Variants in SRPK1 observed in about 807,000 individuals in gnomAD.
SRPK1 encodes SFRS protein kinase 1.
SRPK1 carries 52 observed loss-of-function variants against 89.5 expected under a neutral mutation model. The ratio of observed to expected loss-of-function variants is 0.58; its 90% CI spans 0.46 to 0.73. SRPK1 has a LOEUF of 0.73. Ranked by LOEUF, SRPK1 falls within the 30% of genes least tolerant of loss-of-function variation. SRPK1 has a pLI of 0.00. For missense variants in SRPK1, 603 were observed against 780.6 expected (o/e 0.77, Z 2.71); for synonymous variants, 255 against 270.2 (o/e 0.94, Z 0.55).
chr6:35,869,058 T>C lies in SRPK1; in HGVS notation c.1464A>G (p.Ala488=). The C allele has an allele frequency of 6.2e-7, 1 of 1,614,118 alleles. No homozygotes were observed. Among genetic ancestry groups the C allele is most frequent in the East Asian group, 2.2e-5 (1 of 44,868 alleles). Residue 488 remains alanine (A), a synonymous_variant, in exon 12 of 16, where the codon GCA becomes GCG. Coordinates refer to ENST00000373825, the MANE Select transcript of SRPK1 (RefSeq NM_003137.5). ...FLVNPLEPKN[A]EKLKVKIADL... ...CAGCAATCTTCACCTTGAGCTTTTC[T>C]GCATTTTTTGGCTCAAGGGGATTAA...
Position 35,870,442 on chromosome 6 carries a change from C to T in SRPK1, c.830G>A (p.Arg277His), listed in dbSNP as rs753875588. ...TCGCTTCTCTAGTAATTCTGCCTGG[C>T]GCTTCTGCTTCTTCTTCAATTTCTT... ...KKKKLKKKQKRQAELLEKRMQ... is the reference protein window; with the variant it reads ...KKKKLKKKQKHQAELLEKRMQ... Residue 277 changes from arginine to histidine, a missense_variant, in exon 10 of 16, where the codon CGC becomes CAC. Arg to His is a conservative substitution (Grantham distance 29, BLOSUM62 0). Coordinates refer to ENST00000373825, the MANE Select transcript of SRPK1 (RefSeq NM_003137.5). The T allele has an allele frequency of 1.7e-5, 27 of 1,557,838 alleles. No individual in the cohort carries two copies. The highest frequency in any genetic ancestry group is 5.4e-5 in the African/African-American group (4 of 73,506).
chr6:35,877,778 G>C (rs1252837342), intron 6 of SRPK1, among the ~76,000 whole-genome samples: 1 of 151,628 alleles, frequency 6.6e-6, no homozygotes, highest in African/African-American at 2.4e-5. Flanking sequence ...AGGAGGCGGA[G>C]GTTGCAGTGA....
At chr6:35,838,455 G>T in intron 14 of SRPK1, 26 bp from the exon 15 acceptor site, 1 of 1,544,366 alleles carries the variant, frequency 6.5e-7, no homozygotes, top group Non-Finnish European at 8.7e-7. Context: ...ATTTCAAGAG[G>T]GGGGAAAAAA....
intron 2 of SRPK1, among the ~76,000 whole-genome samples, chr6:35,911,048 G>A (rs1163501665): frequency 6.6e-6 from 1 of 152,180 alleles, no homozygotes; most frequent in Non-Finnish European, 1.5e-5. Context: ...ATGGATCAAG[G>A]AGTCATTTCA....
Position 35,834,026 on chromosome 6 carries a change from CAA to C in SRPK1, c.*1276_*1277del, listed in dbSNP as rs1310595879. ...GAGGCTCATCCTAAAAAAAAAATTG[CAA>C]AGTCTTTTCTCAATTAAAACAAAAA... On this transcript the variant is annotated 3_prime_UTR_variant, in exon 16 of 16. Transcript: ENST00000373825. 1.0e-4 allele frequency: 16 copies of C among 152,478 alleles called. No individual in the cohort carries two copies. The highest frequency in any genetic ancestry group is 5.2e-4 in the Admixed American group (8 of 15,264). The allele number at this position is 152,478 out of a possible 1,614,324, so 9.4% of individuals were successfully genotyped here. A position where few individuals can be genotyped will look rare whatever the true frequency, so the allele number is the denominator to read the frequency against.
chr6:35,849,889 T>C (rs528935463), intron 13 of SRPK1, among the ~76,000 whole-genome samples: 2 of 152,200 alleles, frequency 1.3e-5, no homozygotes, highest in East Asian at 1.9e-4. Flanking sequence ...AAAAACAAGA[T>C]GGAAATTCAG....
At chr6:35,840,640 T>C (rs375888534) in intron 14 of SRPK1, among the ~76,000 whole-genome samples, 1 of 152,232 alleles carries the variant, frequency 6.6e-6, no homozygotes, top group African/African-American at 2.4e-5. Context: ...ATTGATATAC[T>C]TGACAGATAA....
intron 13 of SRPK1, among the ~76,000 whole-genome samples, chr6:35,854,286 T>C (rs191082412): frequency 2.6e-4 from 40 of 152,218 alleles, no homozygotes; most frequent in African/African-American, 8.4e-4. Flanking sequence ...CTTCTAACTA[T>C]TCCTCAATCA....
intron 2 of SRPK1, among the ~76,000 whole-genome samples, chr6:35,919,409 A>AC (rs1288509417): frequency 6.6e-6 from 1 of 152,132 alleles, no homozygotes; most frequent in African/African-American, 2.4e-5. Flanking sequence ...CAGTGGGGTG[A>AC]CCTAGGAAGG....
rs1769153067 is a variant in SRPK1 at position 35,835,259 on chromosome 6, G to A, written c.*45C>T. ...AGAGGAAAATGCTTGAAGGGGAAGG[G>A]CGGAGGGTCAGTGTGTGATCTCTGC... On this transcript the variant is annotated 3_prime_UTR_variant, in exon 16 of 16. Transcript: ENST00000373825. The A allele has an allele frequency of 1.3e-6, 2 of 1,522,856 alleles. No individual in the cohort carries two copies. The highest frequency in any genetic ancestry group is 1.8e-6 in the Non-Finnish European group (2 of 1,117,730). The allele number at this position is 1,522,856 out of a possible 1,614,324, so 94.3% of individuals were successfully genotyped here. A position where few individuals can be genotyped will look rare whatever the true frequency, so the allele number is the denominator to read the frequency against.
At chr6:35,894,988 T>A (rs2127260050) in intron 2 of SRPK1, among the ~76,000 whole-genome samples, 1 of 152,158 alleles carries the variant, frequency 6.6e-6, no homozygotes, top group South Asian at 2.1e-4. Context: ...CTGAAATGCA[T>A]TTAATCTGAC....
rs1334440152 is a variant in SRPK1 at position 35,885,294 on chromosome 6, CACACAGAGAG to C, written c.478+1420_478+1429del. Among the ~76,000 whole-genome samples, 117 of 131,172 alleles carry C rather than the reference CACACAGAGAG, an allele frequency of 8.9e-4. 1 individual carries two copies. Among genetic ancestry groups the C allele is most frequent in the South Asian group, 7.5e-4 (3 of 3,980 alleles). 86.1% of individuals were successfully genotyped at this position (131,172 alleles called of 152,430 possible). ...ACACACACACACACACACACACACA[CACACAGAGAG>C]AGAGAGAGAGAGAGAGAGAGAGAGA... On this transcript the variant is annotated intron_variant, in intron 6 of 15. Transcript: ENST00000373825.
chr6:35,865,897 C>CA (rs2127241776), intron 12 of SRPK1, among the ~76,000 whole-genome samples: 1 of 151,834 alleles, frequency 6.6e-6, no homozygotes, highest in African/African-American at 2.4e-5. Context: ...AGCTTCTGCA[C>CA]AGCAAAAGAA....
chr6:35,876,707 G>A (rs1770163540), intron 6 of SRPK1, among the ~76,000 whole-genome samples: 1 of 152,108 alleles, frequency 6.6e-6, no homozygotes, highest in Non-Finnish European at 1.5e-5. Context: ...TGGAGTAACA[G>A]GCACTGGACT....
chr6:35,835,347 G>A lies in SRPK1; in HGVS notation c.1925C>T (p.Ala642Val). ...PMLELIPEKR[A>V]TAAECLRHPW... ...GTGCCGGAGACACTCGGCGGCAGTGGCTCTCTTCTCAGGGATCAGCTCCAA... is the reference window on the plus strand; with the variant it reads ...GTGCCGGAGACACTCGGCGGCAGTGACTCTCTTCTCAGGGATCAGCTCCAA... Residue 642 changes from alanine to valine, a missense_variant, in exon 16 of 16, where the codon GCC becomes GTC. By Grantham distance (64) the Ala-to-Val change is moderately conservative (BLOSUM62 0). Coordinates refer to ENST00000373825, the MANE Select transcript of SRPK1 (RefSeq NM_003137.5). 1 of 1,613,774 alleles carries A rather than the reference G, an allele frequency of 6.2e-7. No homozygotes were observed. The highest frequency in any genetic ancestry group is 8.5e-7 in the Non-Finnish European group (1 of 1,179,828).
intron 5 of SRPK1, chr6:35,887,815 A>G (rs1169435697): frequency 5.2e-6 from 2 of 384,022 alleles, no homozygotes; most frequent in Non-Finnish European, 4.6e-6. Flanking sequence ...TGCGTGTAAG[A>G]AGAATTCTCA....
rs556093664 is a variant in SRPK1, at chr6:35,851,473, C to T, written c.1620+5788G>A. On this transcript the variant is annotated intron_variant, in intron 13 of 15. Coordinates refer to ENST00000373825, the MANE Select transcript of SRPK1 (RefSeq NM_003137.5). ...ACAGGCATGAGCTATTGTGCCCAGC[C>T]GGTATTGGATATATTCTGAAGGTAG... Among the ~76,000 whole-genome samples the T allele has an allele frequency of 9.2e-5, 14 of 152,092 alleles. No individual in the cohort carries two copies. The East Asian group carries it at 2.1e-3, about 23-fold the overall frequency.
intron 5 of SRPK1, 64 bp from the exon 6 acceptor site, chr6:35,886,875 G>T: frequency 1.1e-6 from 1 of 874,572 alleles, no homozygotes; most frequent in Non-Finnish European, 1.9e-6. Context: ...AGATGGTAGG[G>T]GAAGAATACT....
At chr6:35,886,082 C>CT (rs34954400) in intron 6 of SRPK1, among the ~76,000 whole-genome samples, 550 of 136,624 alleles carry the variant, frequency 4.0e-3, no homozygotes, top group Admixed American at 7.6e-3. Context: ...TAGACAGTAT[C>CT]TTTTTTTTTT....
Sources: allele counts gnomAD v4.1 joint callset (sites outside exome capture counted in the v4.1 genomes callset), GRCh38; gene constraint gnomAD v4.1.1; transcripts MANE v1.5; gene names NCBI Gene and HGNC (gene_info 2026-07-23, HGNC 2026-07-21).